The following HS3ST4 variants were observed in gnomAD, a reference collection of about 807,000 sequenced individuals.
HS3ST4 encodes the protein heparan sulfate glucosamine 3-O-sulfotransferase 4.
In HS3ST4, 17 loss-of-function variants were observed where a neutral mutation model predicts 29.2. The observed-to-expected ratio is 0.58, with a 90% CI of 0.40 to 0.87. HS3ST4 has a LOEUF of 0.87. HS3ST4 is among the 40% of genes least tolerant of loss of function. HS3ST4 has a pLI of 0.00. For synonymous variants in HS3ST4, 314 were observed against 285.7 expected, an observed-to-expected ratio of 1.10 and a Z score of -1.00; for missense variants, 627 against 634.5, an observed-to-expected ratio of 0.99 and a Z score of 0.13.
chr16:25,884,873 C>G (rs888604201), intron 1 of HS3ST4, among the ~76,000 whole-genome samples: 3 of 152,126 alleles, frequency 2.0e-5, no homozygotes, highest in Admixed American at 6.5e-5. Context: ...CTGCGCCCGG[C>G]CGAGGTTAAG....
At chr16:25,743,817 C>A (rs1966669823) in intron 1 of HS3ST4, among the ~76,000 whole-genome samples, 1 of 152,146 alleles carries the variant, frequency 6.6e-6, no homozygotes, top group Non-Finnish European at 1.5e-5. Flanking sequence ...TTTGATGGAT[C>A]TTATGCTGAT....
At chr16:25,857,919 C>CCTTCCCTTCTTTCTTT (rs1455979612) in intron 1 of HS3ST4, among the ~76,000 whole-genome samples, 1 of 58,028 alleles carries the variant, frequency 1.7e-5, no homozygotes, top group Admixed American at 2.1e-4. Flanking sequence ...TTCCTTCCTT[C>CCTTCCCTTCTTTCTTT]CTTTCTTTCT....
intron 1 of HS3ST4, among the ~76,000 whole-genome samples, chr16:25,888,540 C>T (rs1967977354): frequency 6.6e-6 from 1 of 152,202 alleles, no homozygotes. Context: ...CTCTGTCTGT[C>T]CTTCCTTGGG....
At chr16:25,790,545 C>A (rs573388618) in intron 1 of HS3ST4, among the ~76,000 whole-genome samples, 52 of 152,298 alleles carry the variant, frequency 3.4e-4, no homozygotes, top group African/African-American at 1.2e-3. Context: ...ACATCTTCAC[C>A]AGCACTTGGT....
chr16:25,721,330 C>T (rs942892377), intron 1 of HS3ST4, among the ~76,000 whole-genome samples: 7 of 152,206 alleles, frequency 4.6e-5, no homozygotes, highest in Non-Finnish European at 8.8e-5. Context: ...GGAACACTCA[C>T]TTACTTTGAA....
intron 1 of HS3ST4, among the ~76,000 whole-genome samples, chr16:25,874,164 A>G (rs535855799): frequency 6.6e-6 from 1 of 152,284 alleles, no homozygotes; most frequent in African/African-American, 2.4e-5. Flanking sequence ...CCCCTAGTAC[A>G]AAGTCTGCAT....
chr16:26,115,231 G>GTGTGTGTGTGTGTGTATATA (rs953033295), intron 1 of HS3ST4, among the ~76,000 whole-genome samples: 16 of 134,766 alleles, frequency 1.2e-4, no homozygotes, highest in African/African-American at 4.1e-4. Context: ...TCATGTATAT[G>GTGTGTGTGTGTGTGTATATA]TGTGTATGTG....
At chr16:25,863,272 G>A (rs569868183) in intron 1 of HS3ST4, among the ~76,000 whole-genome samples, 6 of 152,068 alleles carry the variant, frequency 3.9e-5, no homozygotes, top group East Asian at 1.9e-4. Flanking sequence ...TAAGTAGAGC[G>A]GGGTTTCACC....
At chr16:25,806,603 T>C (rs1251366439) in intron 1 of HS3ST4, among the ~76,000 whole-genome samples, 1 of 151,920 alleles carries the variant, frequency 6.6e-6, no homozygotes, top group Non-Finnish European at 1.5e-5. Flanking sequence ...CTTTTGCTCA[T>C]TTTTTTTAAT....
intron 1 of HS3ST4, among the ~76,000 whole-genome samples, chr16:25,816,703 C>T (rs1191091952): frequency 6.6e-6 from 1 of 152,096 alleles, no homozygotes; most frequent in African/African-American, 2.4e-5. Flanking sequence ...GAATTTATCT[C>T]TTACAGTTAC....
At chr16:25,921,716 C>T (rs1418850821) in intron 1 of HS3ST4, among the ~76,000 whole-genome samples, 1 of 151,868 alleles carries the variant, frequency 6.6e-6, no homozygotes, top group African/African-American at 2.4e-5. Context: ...TCTCACTACC[C>T]TGGGTACCAT....
intron 1 of HS3ST4, among the ~76,000 whole-genome samples, chr16:26,051,906 C>T (rs1418633183): frequency 2.6e-4 from 34 of 131,950 alleles, no homozygotes; most frequent in Admixed American, 4.5e-4. Flanking sequence ...CCCTCCCTCC[C>T]TCCCTCCCTT....
At chr16:25,833,547 G>T (rs895024506) in intron 1 of HS3ST4, among the ~76,000 whole-genome samples, 4 of 152,160 alleles carry the variant, frequency 2.6e-5, no homozygotes, top group Admixed American at 6.5e-5. Flanking sequence ...AACTTTGGCT[G>T]TTGTTATCAT....
At chr16:26,019,465 A>G (rs1016800000) in intron 1 of HS3ST4, among the ~76,000 whole-genome samples, 1 of 152,118 alleles carries the variant, frequency 6.6e-6, no homozygotes, top group African/African-American at 2.4e-5. Context: ...ACGACTCTGC[A>G]TTTTCATTTT....
intron 1 of HS3ST4, among the ~76,000 whole-genome samples, chr16:25,898,701 T>C (rs1968094215): frequency 1.3e-5 from 2 of 152,064 alleles, no homozygotes; most frequent in Admixed American, 1.3e-4. Flanking sequence ...AACCAAACAG[T>C]GTTATTAAAT....
intron 1 of HS3ST4, among the ~76,000 whole-genome samples, chr16:25,785,220 A>C (rs556392291): frequency 6.6e-6 from 1 of 152,360 alleles, no homozygotes; most frequent in South Asian, 2.1e-4. Flanking sequence ...ATAAAAATGT[A>C]CAAGGAGATT....
At chr16:26,054,140 G>A (rs1898378120) in intron 1 of HS3ST4, among the ~76,000 whole-genome samples, 4 of 152,076 alleles carry the variant, frequency 2.6e-5, no homozygotes, top group Admixed American at 2.6e-4. Context: ...AGGTGCCCTG[G>A]GCAAGAGGAA....
intron 1 of HS3ST4, among the ~76,000 whole-genome samples, chr16:25,850,239 C>T (rs559122209): frequency 2.0e-5 from 3 of 151,800 alleles, no homozygotes; most frequent in South Asian, 4.2e-4. Context: ...CCACCTGCCT[C>T]GGCCTCCCAA....
At position 25,969,255 on chromosome 16, in the gene HS3ST4, T is replaced by G. The variant is rs950467604; in HGVS notation, c.735-166357T>G. On this transcript the variant is annotated intron_variant, in intron 1 of 1. Coordinates refer to ENST00000331351, the MANE Select transcript of HS3ST4 (RefSeq NM_006040.3). ...GATTTAGTGTCCTTTAGTGTTTCTC[T>G]TTTGCTCTCATACTGTGGGCCCAGT... Among the ~76,000 whole-genome samples the G allele has an allele frequency of 3.9e-5, 6 of 152,384 alleles. No homozygotes were observed. In the South Asian group the frequency reaches 1.2e-3, roughly 32 times the overall value.
Sources: allele counts gnomAD v4.1 joint callset (sites outside exome capture counted in the v4.1 genomes callset), GRCh38; gene constraint gnomAD v4.1.1; transcripts MANE v1.5; gene names NCBI Gene and HGNC (gene_info 2026-07-23, HGNC 2026-07-21).